The following ACOT4 variants were observed in gnomAD, a reference collection of about 807,000 sequenced individuals.
The protein encoded by ACOT4 is acyl-CoA thioesterase 4, also known as peroxisomal succinyl-coenzyme A thioesterase.
Under a neutral mutation model 17.1 loss-of-function variants are expected in ACOT4, and 18 were observed. The observed-to-expected ratio is 1.05, with a 90% CI of 0.73 to 1.56. The LOEUF (loss-of-function observed/expected upper bound fraction) is 1.56. Among genes scored for constraint, ACOT4 ranks in the 40% most tolerant of loss-of-function variants. The probability of loss-of-function intolerance (pLI) is 0.00; values close to 1 mark genes in which losing one functional copy is unlikely to be tolerated. For synonymous variants in ACOT4, 234 were observed against 236.6 expected, an observed-to-expected ratio of 0.99 and a Z score of 0.10; for missense variants, 574 against 557.2, an observed-to-expected ratio of 1.03 and a Z score of -0.30.
chr14:73,595,416 A>G lies in ACOT4; in HGVS notation c.1028A>G (p.Gln343Arg). 6.2e-7 allele frequency: 1 copy of G among 1,614,238 alleles called. No individual in the cohort carries two copies. Among genetic ancestry groups the G allele is most frequent in the Non-Finnish European group, 8.5e-7 (1 of 1,180,034 alleles). ...LYAQTVSERLQAHGKEKPQII... is the reference protein window; with the variant it reads ...LYAQTVSERLRAHGKEKPQII... ...GCCCAAACAGTCTCTGAACGGTTACAGGCCCATGGAAAGGAAAAACCCCAG... is the reference window on the plus strand; with the variant it reads ...GCCCAAACAGTCTCTGAACGGTTACGGGCCCATGGAAAGGAAAAACCCCAG... The change falls in exon 3 of 3, where the codon CAG (glutamine) becomes CGG (arginine). Residue 343 changes from glutamine (Q) to arginine (R), a missense_variant. By Grantham distance (43) the Gln-to-Arg change is conservative (BLOSUM62 1). Coordinates refer to ENST00000326303, the MANE Select transcript of ACOT4 (RefSeq NM_152331.4).
chr14:73,593,985 G>C (rs1890202555), intron 2 of ACOT4, 81 bp downstream of exon 2: 1 of 1,296,438 alleles, frequency 7.7e-7, no homozygotes, highest in Non-Finnish European at 1.1e-6. Flanking sequence ...GTGCAGAAAT[G>C]CTGCTCTGTT....
rs753046615 is a variant in ACOT4 at position 73,595,436 on chromosome 14, C to T, written c.1048C>T (p.Pro350Ser). The change falls in exon 3 of 3, where the codon CCC becomes TCC. Residue 350 changes from proline (P) to serine (S), a missense_variant. Coordinates refer to ENST00000326303, the MANE Select transcript of ACOT4 (RefSeq NM_152331.4). ...ERLQAHGKEKPQIICYPGTGH... is the reference protein window; with the variant it reads ...ERLQAHGKEKSQIICYPGTGH... ...GTTACAGGCCCATGGAAAGGAAAAA[C>T]CCCAGATCATCTGTTACCCTGGGAC... 2.2e-5 allele frequency: 35 copies of T among 1,614,086 alleles called. No homozygotes were observed. Among genetic ancestry groups the T allele is most frequent in the Non-Finnish European group, 2.8e-5 (33 of 1,180,048 alleles).
At chr14:73,593,640 G>A (rs1266311098) in intron 1 of ACOT4, 62 bp from the exon 2 acceptor site, 7 of 1,482,766 alleles carry the variant, frequency 4.7e-6, no homozygotes, top group African/African-American at 1.4e-5. Context: ...ACAGTGTCCA[G>A]CCAGGAAAGC....
intron 2 of ACOT4, among the ~76,000 whole-genome samples, chr14:73,594,658 T>C (rs548074758): frequency 1.3e-5 from 2 of 151,916 alleles, no homozygotes; most frequent in Non-Finnish European, 2.9e-5. Context: ...AGAAAAATGT[T>C]TTTGCATTGG....
rs776740410 is a variant in ACOT4 at position 73,595,446 on chromosome 14, T to C, written c.1058T>C (p.Ile353Thr). Residue 353 changes from isoleucine (I) to threonine (T), a missense_variant, in exon 3 of 3, where the codon ATC (isoleucine) becomes ACC (threonine). Ile to Thr is a moderately conservative substitution (Grantham distance 89, BLOSUM62 -1). Coordinates refer to ENST00000326303, the MANE Select transcript of ACOT4 (RefSeq NM_152331.4). ...QAHGKEKPQIICYPGTGHYIE... is the reference protein window; with the variant it reads ...QAHGKEKPQITCYPGTGHYIE... Reference sequence around the variant, plus strand: ...CATGGAAAGGAAAAACCCCAGATCATCTGTTACCCTGGGACTGGGCATTAC... The same window carrying C: ...CATGGAAAGGAAAAACCCCAGATCACCTGTTACCCTGGGACTGGGCATTAC... The C allele has an allele frequency of 3.1e-6, 5 of 1,614,074 alleles. No homozygotes were observed. The African/African-American group carries it at 6.7e-5, about 22-fold the overall frequency.
chr14:73,594,908 T>A (rs1890219627), intron 2 of ACOT4, 141 bp from the exon 3 acceptor site: 1 of 953,032 alleles, frequency 1.0e-6, no homozygotes, highest in East Asian at 2.4e-5. Context: ...TTCTGCCATG[T>A]TGGCCAGGCT....
At position 73,595,503 on chromosome 14, in the gene ACOT4, C is replaced by G. The variant is rs146020227; in HGVS notation, c.1115C>G (p.Ala372Gly). Residue 372 changes from alanine (A) to glycine (G), a missense_variant, in exon 3 of 3, where the codon GCT (alanine) becomes GGT (glycine). Transcript: ENST00000326303. ...IEPPYFPLCP[A>G]SLHRLLNKHV... ...CCTCCTTACTTCCCCCTGTGCCCAG[C>G]TTCCCTTCACAGATTACTGAACAAA... 2.5e-6 allele frequency: 4 copies of G among 1,613,684 alleles called. No individual in the cohort carries two copies. The African/African-American group carries it at 5.3e-5, about 22-fold the overall frequency.
chr14:73,595,131 T>C lies in ACOT4; in HGVS notation c.743T>C (p.Val248Ala), dbSNP rs371734143. ...CLSMASFLKNVSATVSINGSG... is the reference protein window; with the variant it reads ...CLSMASFLKNASATVSINGSG... ...TCAATGGCCTCATTCTTGAAGAATGTCTCAGCCACAGTTTCCATCAATGGA... is the reference window on the plus strand; with the variant it reads ...TCAATGGCCTCATTCTTGAAGAATGCCTCAGCCACAGTTTCCATCAATGGA... Residue 248 changes from valine (V) to alanine (A), a missense_variant, in exon 3 of 3, where the codon GTC (valine) becomes GCC (alanine). Physicochemically the swap from Val to Ala is moderately conservative, Grantham distance 64. Coordinates refer to ENST00000326303, the MANE Select transcript of ACOT4 (RefSeq NM_152331.4). 80 of 1,614,094 alleles carry C rather than the reference T, an allele frequency of 5.0e-5. No individual in the cohort carries two copies. The highest frequency in any genetic ancestry group is 6.4e-5 in the Non-Finnish European group (76 of 1,180,050).
Position 73,593,715 on chromosome 14 carries a change from C to T in ACOT4, c.471C>T (p.Phe157=). The change falls in exon 2 of 3, where the codon TTC becomes TTT. Residue 157 remains phenylalanine (F), a synonymous_variant. Coordinates refer to ENST00000326303, the MANE Select transcript of ACOT4 (RefSeq NM_152331.4). ...TLFLPPGPGP[F]PGIIDIFGIG... Reference sequence around the variant, plus strand: ...TTTGTTCTCTAGGACCTGGACCCTTCCCAGGGATCATTGACATCTTTGGTA... The same window carrying T: ...TTTGTTCTCTAGGACCTGGACCCTTTCCAGGGATCATTGACATCTTTGGTA... 6.2e-7 allele frequency: 1 copy of T among 1,611,674 alleles called. No homozygotes were observed. Among genetic ancestry groups the T allele is most frequent in the Non-Finnish European group, 8.5e-7 (1 of 1,178,640 alleles).
chr14:73,593,934 C>T (rs1450457020), intron 2 of ACOT4, 30 bp downstream of exon 2: 1 of 1,571,730 alleles, frequency 6.4e-7, no homozygotes, highest in Non-Finnish European at 8.7e-7. Flanking sequence ...TTTAATCAGT[C>T]TCTCTAGAAA....
Position 73,595,288 on chromosome 14 carries a change from A to G in ACOT4, c.900A>G (p.Val300=). The change falls in exon 3 of 3, where the codon GTA becomes GTG. Residue 300 remains valine (V), a synonymous_variant. Transcript: ENST00000326303. ...TTGTGGATATAAGGAATGCTCTCGTAGGAGGGTACAAGAACCCCAGCATGA... is the reference window on the plus strand; with the variant it reads ...TTGTGGATATAAGGAATGCTCTCGTGGGAGGGTACAAGAACCCCAGCATGA... ...VDIVDIRNAL[V]GGYKNPSMIP... is the part of the protein sequence containing the mutation. 2 of 1,614,204 alleles carry G rather than the reference A, an allele frequency of 1.2e-6. No homozygotes were observed.
chr14:73,595,179 C>T lies in ACOT4; in HGVS notation c.791C>T (p.Ala264Val). 6.2e-7 allele frequency: 1 copy of T among 1,614,184 alleles called. No individual in the cohort carries two copies. The stretch of plus-strand genomic sequence containing the variant: ...GGATCTGGGATCAGTGGGAACACAG[C>T]CATCAACTATAAGCACAGTAGCATT... ...INGSGISGNT[A>V]INYKHSSIPP... The change falls in exon 3 of 3, where the codon GCC becomes GTC. Residue 264 changes from alanine to valine, a missense_variant. Ala to Val is a moderately conservative substitution (Grantham distance 64). Coordinates refer to ENST00000326303, the MANE Select transcript of ACOT4 (RefSeq NM_152331.4).
intron 1 of ACOT4, 131 bp from the exon 2 acceptor site, chr14:73,593,571 G>C: frequency 1.3e-6 from 1 of 754,366 alleles, no homozygotes. Flanking sequence ...TTGAACTCCT[G>C]GCCTCAAGCA....
chr14:73,595,398 C>T lies in ACOT4; in HGVS notation c.1010C>T (p.Thr337Ile). Residue 337 changes from threonine (T) to isoleucine (I), a missense_variant, in exon 3 of 3, where the codon ACA (threonine) becomes ATA (isoleucine). Transcript: ENST00000326303. Reference protein sequence around the residue: ...HNWRSELYAQTVSERLQAHGK... With the variant: ...HNWRSELYAQIVSERLQAHGK... ...TGGAGAAGTGAGTTGTATGCCCAAA[C>T]AGTCTCTGAACGGTTACAGGCCCAT... The T allele has an allele frequency of 1.9e-6, 3 of 1,614,222 alleles. No individual in the cohort carries two copies. Among genetic ancestry groups the T allele is most frequent in the Non-Finnish European group, 2.5e-6 (3 of 1,180,040 alleles).
intron 1 of ACOT4, 76 bp from the exon 2 acceptor site, chr14:73,593,626 A>G (rs1595178884): frequency 1.4e-6 from 2 of 1,401,116 alleles, no homozygotes; most frequent in East Asian, 4.6e-5. Flanking sequence ...TACAAGCATG[A>G]ACCACAGTGT....
chr14:73,595,348 C>T lies in ACOT4; in HGVS notation c.960C>T (p.Leu320=), dbSNP rs776687401. ...PIEKAQGPIL[L]IVGQDDHNWR... Reference sequence around the variant, plus strand: ...AGAAGGCCCAGGGGCCCATCCTGCTCATTGTTGGTCAGGATGACCATAACT... The same window carrying T: ...AGAAGGCCCAGGGGCCCATCCTGCTTATTGTTGGTCAGGATGACCATAACT... Residue 320 remains leucine (L), a synonymous_variant, in exon 3 of 3, where the codon CTC becomes CTT. Transcript: ENST00000326303. 3.7e-6 allele frequency: 6 copies of T among 1,614,112 alleles called. No individual in the cohort carries two copies. The highest frequency in any genetic ancestry group is 1.3e-5 in the African/African-American group (1 of 74,934).
chr14:73,594,993 C>T, intron 2 of ACOT4, 56 bp from the exon 3 acceptor site: 1 of 1,590,330 alleles, frequency 6.3e-7, no homozygotes, highest in South Asian at 1.1e-5. Context: ...GCATGAGCCA[C>T]CGCACCCAAT....
Position 73,592,363 on chromosome 14 carries a change from G to C in ACOT4, c.404G>C (p.Arg135Pro). 6.3e-7 allele frequency: 1 copy of C among 1,582,026 alleles called. No individual in the cohort carries two copies. Among genetic ancestry groups the C allele is most frequent in the Non-Finnish European group, 8.6e-7 (1 of 1,166,606 alleles). The change falls in exon 1 of 3, where the codon CGG (arginine) becomes CCG (proline). Residue 135 changes from arginine (R) to proline (P), a missense_variant. Physicochemically the swap from Arg to Pro is moderately radical, Grantham distance 103. Coordinates refer to ENST00000326303, the MANE Select transcript of ACOT4 (RefSeq NM_152331.4). ...CGCCACTTCCTCCCGCCAGGGGTGC[G>C]GCGCCAGTCGGTGCGAGCGGGCCGG... ...HERHFLPPGV[R>P]RQSVRAGRVR...
At position 73,594,449 on chromosome 14, in the gene ACOT4, AGCG is replaced by A. The variant is rs1890212509; in HGVS notation, c.660+548_660+550del. 2.9e-4 allele frequency among the ~76,000 whole-genome samples: 44 copies of A among 152,068 alleles called. 1 individual carries two copies. The highest frequency in any genetic ancestry group is 2.3e-3 in the Admixed American group (35 of 15,252). ...GATGGGATCTGTGGCTCAGCGGCTC[AGCG>A]GCTCAGCATTCTCTAGTGGATAATT... On this transcript the variant is annotated intron_variant, in intron 2 of 2. Coordinates refer to ENST00000326303, the MANE Select transcript of ACOT4 (RefSeq NM_152331.4).
Sources: allele counts gnomAD v4.1 joint callset (sites outside exome capture counted in the v4.1 genomes callset), GRCh38; gene constraint gnomAD v4.1.1; transcripts MANE v1.5; gene names NCBI Gene and HGNC (gene_info 2026-07-23, HGNC 2026-07-21).